The following PCSK6 variants were observed in gnomAD, a reference collection of about 807,000 sequenced individuals.
The protein encoded by PCSK6 is proprotein convertase subtilisin/kexin type 6, also known as paired basic amino acid cleaving enzyme 4.
A neutral mutation model predicts 123.3 loss-of-function variants in PCSK6; 85 were observed. That is an observed-to-expected ratio of 0.69 (90% CI 0.58 to 0.83). The LOEUF (loss-of-function observed/expected upper bound fraction) is 0.83, where lower values mean the gene tolerates loss of function less well. Ranked by LOEUF, PCSK6 falls within the 40% of genes least tolerant of loss-of-function variation. The pLI, the probability that PCSK6 is intolerant of heterozygous loss-of-function variation, is 0.00. For missense variants in PCSK6, 1,191 were observed against 1,282.3 expected (o/e 0.93, Z 1.09); for synonymous variants, 508 against 516.0 (o/e 0.98, Z 0.21).
At position 101,398,995 on chromosome 15, in the gene PCSK6, C is replaced by T. The variant is rs150251991; in HGVS notation, c.824-419G>A. Reference sequence around the variant, plus strand: ...TCGGCTCACTGCAAGCTCCACCTCCCGGGTTCAAGTGATTCTCCTGCCTCA... The same window carrying T: ...TCGGCTCACTGCAAGCTCCACCTCCTGGGTTCAAGTGATTCTCCTGCCTCA... On this transcript the variant is annotated intron_variant, in intron 6 of 21. Coordinates refer to ENST00000611716, the MANE Select transcript of PCSK6 (RefSeq NM_002570.5). The surrounding 1 kb of genome is among the most constrained non-coding windows in gnomAD (Gnocchi z 4.6). Among the ~76,000 whole-genome samples, 1,414 of 152,240 alleles carry T rather than the reference C, an allele frequency of 9.3e-3. 20 individuals are homozygous for T. The highest frequency in any genetic ancestry group is 0.032 in the African/African-American group (1,345 of 41,524).
chr15:101,403,326 A>C (rs991838145), intron 6 of PCSK6, among the ~76,000 whole-genome samples: 1 of 150,446 alleles, frequency 6.6e-6, no homozygotes. Context: ...ATGCTAAATG[A>C]CCAGTTAATG....
intron 13 of PCSK6, among the ~76,000 whole-genome samples, chr15:101,358,772 G>A (rs751517755): frequency 7.9e-5 from 12 of 152,236 alleles, no homozygotes; most frequent in Non-Finnish European, 1.3e-4. Flanking sequence ...CTTTGTTTGA[G>A]CCCCTCTGAC....
intron 18 of PCSK6, among the ~76,000 whole-genome samples, chr15:101,319,188 C>T (rs968966652): frequency 6.6e-6 from 1 of 152,170 alleles, no homozygotes; most frequent in Non-Finnish European, 1.5e-5. Flanking sequence ...GAGCTAATAC[C>T]CATAAACATT....
At chr15:101,327,854 G>A (rs1279695557) in intron 15 of PCSK6, among the ~76,000 whole-genome samples, 8 of 152,078 alleles carry the variant, frequency 5.3e-5, no homozygotes. Context: ...TTCCCACTGT[G>A]AACCCCTTTC....
chr15:101,312,986 CAG>C, intron 20 of PCSK6: 2 of 1,141,538 alleles, frequency 1.8e-6, no homozygotes, highest in Non-Finnish European at 2.2e-6. Flanking sequence ...GCCTGGGCGA[CAG>C]AGTGAGAGTG....
intron 13 of PCSK6, among the ~76,000 whole-genome samples, chr15:101,359,129 C>G (rs773745599): frequency 5.3e-5 from 8 of 152,192 alleles, no homozygotes; most frequent in Admixed American, 1.3e-4. Context: ...GGACCACATT[C>G]AGGAGTGGCA....
At chr15:101,325,126 G>T in intron 16 of PCSK6, 80 bp from the exon 17 acceptor site, 2 of 1,023,846 alleles carry the variant, frequency 2.0e-6, no homozygotes, top group South Asian at 3.2e-5. Flanking sequence ...TTCCTCTGAG[G>T]AAACGAAGGC....
At position 101,370,535 on chromosome 15, in the gene PCSK6, G is replaced by A. The variant is rs552965702; in HGVS notation, c.1533-12C>T. 16 of 1,454,814 alleles carry A rather than the reference G, an allele frequency of 1.1e-5. No individual in the cohort carries two copies. In the East Asian group the frequency reaches 3.4e-4, roughly 31 times the overall value. The allele number at this position is 1,454,814 out of a possible 1,614,324, so 90.1% of individuals were successfully genotyped here. A position where few individuals can be genotyped will look rare whatever the true frequency, so the allele number is the denominator to read the frequency against. Reference sequence around the variant, plus strand: ...CTAAGGGGATGCTCCTGGGGGAGAAGGGAGGGCTCAGCACTTGGCACCGGA... The same window carrying A: ...CTAAGGGGATGCTCCTGGGGGAGAAAGGAGGGCTCAGCACTTGGCACCGGA... On this transcript the variant is annotated splice_polypyrimidine_tract_variant and intron_variant, in intron 11 of 21. Coordinates refer to ENST00000611716, the MANE Select transcript of PCSK6 (RefSeq NM_002570.5).
chr15:101,416,915 C>A (rs1228234551), intron 6 of PCSK6, among the ~76,000 whole-genome samples: 1 of 152,156 alleles, frequency 6.6e-6, no homozygotes, highest in South Asian at 2.1e-4. Flanking sequence ...AGGGGTGGGG[C>A]CCTCATGAAG....
intron 12 of PCSK6, 56 bp downstream of exon 12, chr15:101,370,279 G>GT: frequency 2.9e-6 from 4 of 1,395,524 alleles, no homozygotes; most frequent in Non-Finnish European, 3.8e-6. Flanking sequence ...AGAAGCTCTT[G>GT]TGCAGGGTCA....
At chr15:101,379,513 G>T (rs2041851468) in intron 11 of PCSK6, among the ~76,000 whole-genome samples, 1 of 152,200 alleles carries the variant, frequency 6.6e-6, no homozygotes, top group Non-Finnish European at 1.5e-5. Flanking sequence ...CACGAGAGGG[G>T]TGTATAAAGA....
At chr15:101,409,533 C>T (rs1245367927) in intron 6 of PCSK6, among the ~76,000 whole-genome samples, 6 of 146,726 alleles carry the variant, frequency 4.1e-5, no homozygotes, top group South Asian at 2.1e-4. Flanking sequence ...TGCAGTGAGC[C>T]GAGATCGTGC....
intron 16 of PCSK6, among the ~76,000 whole-genome samples, chr15:101,325,746 G>A (rs911400200): frequency 4.6e-5 from 7 of 152,222 alleles, no homozygotes; most frequent in South Asian, 2.1e-4. Flanking sequence ...GAGCAGCTCC[G>A]TGGACAGAGC....
intron 12 of PCSK6, 58 bp from the exon 13 acceptor site, chr15:101,366,390 A>T: frequency 1.3e-6 from 2 of 1,549,300 alleles, no homozygotes. Flanking sequence ...GGCTGGGCGG[A>T]GGGGCTGGCA....
intron 10 of PCSK6, 81 bp from the exon 11 acceptor site, chr15:101,382,290 C>T: frequency 8.9e-7 from 1 of 1,124,104 alleles, no homozygotes; most frequent in Non-Finnish European, 1.3e-6. Flanking sequence ...ATCTGCCGGG[C>T]CCCATGGAGG....
At chr15:101,314,308 G>A (rs1375916884) in intron 19 of PCSK6, among the ~76,000 whole-genome samples, 1 of 152,196 alleles carries the variant, frequency 6.6e-6, no homozygotes, top group Non-Finnish European at 1.5e-5. Context: ...TAGTTGACTA[G>A]ATAGCACCTC....
chr15:101,332,051 C>T lies in PCSK6; in HGVS notation c.1859-20G>A. The T allele has an allele frequency of 1.9e-6, 3 of 1,573,840 alleles. No individual in the cohort carries two copies. Among genetic ancestry groups the T allele is most frequent in the Middle Eastern group, 1.7e-4 (1 of 5,906 alleles). ...ACTTCCCTGGAAGGCACCAAACCCA[C>T]AGAGTTACCTGCCTGTGCCAAGACC... On this transcript the variant is annotated intron_variant, in intron 13 of 21. Coordinates refer to ENST00000611716, the MANE Select transcript of PCSK6 (RefSeq NM_002570.5).
Position 101,403,709 on chromosome 15 carries a change from CTTTA to C in PCSK6, c.824-5137_824-5134del, listed in dbSNP as rs71287805. Among the ~76,000 whole-genome samples, 31 of 151,900 alleles carry C rather than the reference CTTTA, an allele frequency of 2.0e-4. 1 individual carries two copies. In the South Asian group the frequency reaches 2.3e-3, roughly 11 times the overall value. On this transcript the variant is annotated intron_variant, in intron 6 of 21. Coordinates refer to ENST00000611716, the MANE Select transcript of PCSK6 (RefSeq NM_002570.5). ...ATTTTTGGATTATTCATGCCATTGCCTTTATTTATTTATTTATTTATTTATTTTG... is the reference window on the plus strand; with the variant it reads ...ATTTTTGGATTATTCATGCCATTGCCTTTATTTATTTATTTATTTATTTTG...
intron 9 of PCSK6, among the ~76,000 whole-genome samples, chr15:101,386,977 A>C (rs2042083080): frequency 6.6e-6 from 1 of 152,110 alleles, no homozygotes; most frequent in South Asian, 2.1e-4. Flanking sequence ...TCCTACGAGA[A>C]GCTCACCCAT....
Sources: allele counts gnomAD v4.1 joint callset (sites outside exome capture counted in the v4.1 genomes callset), GRCh38; gene constraint gnomAD v4.1.1; non-coding constraint Gnocchi (gnomAD v3.1); transcripts MANE v1.5; gene names NCBI Gene and HGNC (gene_info 2026-07-23, HGNC 2026-07-21).